RNF43: variants seen among roughly 807,000 people sequenced by gnomAD.
The protein encoded by RNF43 is E3 ubiquitin-protein ligase RNF43.
RNF43 carries 37 observed loss-of-function variants against 78.4 expected under a neutral mutation model. The observed-to-expected ratio is 0.47, with a 90% CI of 0.36 to 0.62. The LOEUF is 0.62. RNF43 is among the 20% of genes least tolerant of loss of function. RNF43 has a pLI of 0.00. For missense variants in RNF43, 774 were observed against 1,007.9 expected, an observed-to-expected ratio of 0.77 and a Z score of 3.14; for synonymous variants, 347 against 395.0, an observed-to-expected ratio of 0.88 and a Z score of 1.44.
Position 58,358,246 on chromosome 17 carries a change from G to A in RNF43, c.1530C>T (p.Tyr510=), listed in dbSNP as rs2143409098. ...GCTGGGGATCCCCTTTAGGGCTGCA[G>A]TACACTAGGGGGTCAAAGTCACTGC... ...SLSSDFDPLV[Y]CSPKGDPQRV... The change falls in exon 9 of 10, where the codon TAC becomes TAT. Residue 510 remains tyrosine, a synonymous_variant. Transcript: ENST00000407977. This position sits in a 1 kb window ranked among gnomAD's most constrained non-coding sequence, Gnocchi z 6.2. The A allele has an allele frequency of 6.2e-7, 1 of 1,613,962 alleles. No homozygotes were observed. Among genetic ancestry groups the A allele is most frequent in the Non-Finnish European group, 8.5e-7 (1 of 1,179,946 alleles).
At chr17:58,362,689 A>G (rs2143461604) in intron 5 of RNF43, 41 bp from the exon 6 acceptor site, 1 of 1,506,484 alleles carries the variant, frequency 6.6e-7, no homozygotes, top group African/African-American at 1.4e-5. Flanking sequence ...TACTTCCGGG[A>G]TGAGCTGGGT....
intron 2 of RNF43, among the ~76,000 whole-genome samples, chr17:58,393,167 GGA>G (rs1163776929): frequency 7.2e-5 from 11 of 152,174 alleles, no homozygotes; most frequent in Non-Finnish European, 1.5e-4. Context: ...CAGCACTTTT[GGA>G]GGCCAAGGTG....
At chr17:58,407,342 A>C (rs1012359971) in intron 2 of RNF43, among the ~76,000 whole-genome samples, 1 of 152,086 alleles carries the variant, frequency 6.6e-6, no homozygotes, top group Admixed American at 6.5e-5. Flanking sequence ...AGCCCCACAA[A>C]GTGCTGGGAT....
chr17:58,366,553 A>C (rs1249361741), intron 3 of RNF43, among the ~76,000 whole-genome samples: 1 of 152,186 alleles, frequency 6.6e-6, no homozygotes, highest in Non-Finnish European at 1.5e-5. Flanking sequence ...GGGTGAAAGG[A>C]AGGAGAAGGA....
At chr17:58,385,540 T>C (rs1042760877) in intron 2 of RNF43, among the ~76,000 whole-genome samples, 1 of 152,198 alleles carries the variant, frequency 6.6e-6, no homozygotes, top group African/African-American at 2.4e-5. Flanking sequence ...TTCTAACTAG[T>C]CTTTAGTCTT....
At chr17:58,375,304 A>G (rs1281663558) in intron 2 of RNF43, among the ~76,000 whole-genome samples, 1 of 152,216 alleles carries the variant, frequency 6.6e-6, no homozygotes, top group Non-Finnish European at 1.5e-5. Context: ...ATAGCTGAAA[A>G]GGCTCTGCCT....
chr17:58,411,186 A>G (rs1974018786), intron 2 of RNF43, among the ~76,000 whole-genome samples: 1 of 152,184 alleles, frequency 6.6e-6, no homozygotes, highest in Admixed American at 6.5e-5. Flanking sequence ...GCAATATTGT[A>G]TTTTAATTCC....
chr17:58,410,551 C>T lies in RNF43; in HGVS notation c.252+4775G>A, dbSNP rs142674281. 6.0e-4 allele frequency among the ~76,000 whole-genome samples: 92 copies of T among 152,312 alleles called. 1 individual carries two copies. In the Middle Eastern group the frequency reaches 0.017, roughly 28 times the overall value. ...CTAAAGGCTGGCATCAAAACAAAATCACAAAATTTCTATTTCAAAATTTCT... is the reference window on the plus strand; with the variant it reads ...CTAAAGGCTGGCATCAAAACAAAATTACAAAATTTCTATTTCAAAATTTCT... On this transcript the variant is annotated intron_variant, in intron 2 of 9. Transcript: ENST00000407977.
chr17:58,388,485 T>C (rs1490119783), intron 2 of RNF43, among the ~76,000 whole-genome samples: 1 of 152,140 alleles, frequency 6.6e-6, no homozygotes, highest in Non-Finnish European at 1.5e-5. Context: ...TGCACAGAGA[T>C]TTCCCTCACA....
rs566666931 is a variant in RNF43 at position 58,360,570 on chromosome 17, G to A, written c.849+213C>T. ...CCAAAGCACCACTGCAGCCTGGCAC[G>A]TGGTACACTCTCAACAAACAATAGT... On this transcript the variant is annotated intron_variant, in intron 7 of 9. Coordinates refer to ENST00000407977, the MANE Select transcript of RNF43 (RefSeq NM_017763.6). The surrounding 1 kb of genome is among the most constrained non-coding windows in gnomAD (Gnocchi z 4.3). 1.8e-4 allele frequency among the ~76,000 whole-genome samples: 27 copies of A among 152,326 alleles called. No homozygotes were observed. The highest frequency in any genetic ancestry group is 6.5e-4 in the African/African-American group (27 of 41,566).
intron 2 of RNF43, among the ~76,000 whole-genome samples, chr17:58,377,419 C>T (rs567991232): frequency 6.6e-6 from 1 of 152,230 alleles, no homozygotes; most frequent in Middle Eastern, 3.4e-3. Context: ...GCTCATTATC[C>T]ACAGTCACTT....
At chr17:58,353,428 AAT>A (rs1972608666), downstream of RNF43, 1 of 198,694 alleles carries the variant, frequency 5.0e-6, no homozygotes, top group African/African-American at 2.3e-5. Context: ...TGAACAGTAT[AAT>A]AATAATGACT....
intron 3 of RNF43, among the ~76,000 whole-genome samples, chr17:58,366,467 ACTGGGCTGGCTGGGC>A (rs1972954014): frequency 6.6e-6 from 1 of 152,186 alleles, no homozygotes; most frequent in African/African-American, 2.4e-5. Context: ...TTCTGCTCCT[ACTGGGCTGGCTGGGC>A]CTGGGCTGGT....
At chr17:58,375,214 A>T (rs1973182389) in intron 2 of RNF43, among the ~76,000 whole-genome samples, 1 of 152,162 alleles carries the variant, frequency 6.6e-6, no homozygotes, top group Non-Finnish European at 1.5e-5. Flanking sequence ...CTAAAATGCT[A>T]ACTTGAGCAC....
At chr17:58,376,546 T>C (rs1366663595) in intron 2 of RNF43, among the ~76,000 whole-genome samples, 1 of 152,170 alleles carries the variant, frequency 6.6e-6, no homozygotes, top group African/African-American at 2.4e-5. Context: ...GTTCAGCACC[T>C]AGCAAGAAAG....
chr17:58,396,756 T>C (rs780350525), intron 2 of RNF43, among the ~76,000 whole-genome samples: 2 of 152,208 alleles, frequency 1.3e-5, no homozygotes, highest in Non-Finnish European at 1.5e-5. Context: ...ATATGGAATA[T>C]GTATATATGT....
chr17:58,360,119 A>G lies in RNF43; in HGVS notation c.952+30T>C, dbSNP rs2143437737. 6.5e-7 allele frequency: 1 copy of G among 1,542,808 alleles called. No homozygotes were observed. ...CCACATTCTAGACCTGTCTGCCTAC[A>G]CAGAGGGGAGTCCTTGGCCCACCTC... On this transcript the variant is annotated intron_variant, in intron 8 of 9. Transcript: ENST00000407977. This position sits in a 1 kb window ranked among gnomAD's most constrained non-coding sequence, Gnocchi z 4.3.
chr17:58,367,104 G>A (rs1049677446), intron 3 of RNF43, among the ~76,000 whole-genome samples: 3 of 151,514 alleles, frequency 2.0e-5, no homozygotes, highest in Admixed American at 1.3e-4. Flanking sequence ...GGGTTCAAGC[G>A]ATTCTCCTGT....
At chr17:58,413,849 C>T (rs1012832722) in intron 2 of RNF43, among the ~76,000 whole-genome samples, 5 of 152,092 alleles carry the variant, frequency 3.3e-5, no homozygotes, top group Admixed American at 2.6e-4. Context: ...ATCAATAAGG[C>T]ACGTATGGCT....
Sources: gnomAD v4.1 joint callset for allele counts (sites outside exome capture counted in the v4.1 genomes callset) on GRCh38, gnomAD v4.1.1 for gene constraint, Gnocchi (gnomAD v3.1) non-coding constraint, MANE v1.5 for transcripts, NCBI Gene and HGNC (gene_info 2026-07-23, HGNC 2026-07-21) for gene names.